FAM135B: variants seen among roughly 807,000 people sequenced by gnomAD.
The protein encoded by FAM135B is protein FAM135B.
In FAM135B, 43 loss-of-function variants were observed where a neutral mutation model predicts 127.7. That is an observed-to-expected ratio of 0.34 (90% CI 0.26 to 0.43). The LOEUF (loss-of-function observed/expected upper bound fraction) is 0.43. Ranked by LOEUF, FAM135B falls within the 20% of genes least tolerant of loss-of-function variation. The pLI is 1.00. For missense variants in FAM135B, 1,558 were observed against 1,725.6 expected, an observed-to-expected ratio of 0.90 and a Z score of 1.72; for synonymous variants, 670 against 665.1, an observed-to-expected ratio of 1.01 and a Z score of -0.11.
At chr8:138,172,868 A>T (rs1483689439) in intron 11 of FAM135B, among the ~76,000 whole-genome samples, 1 of 152,160 alleles carries the variant, frequency 6.6e-6, no homozygotes, top group Non-Finnish European at 1.5e-5. Context: ...GTCACCTCCC[A>T]TTCCCCTCCC....
intron 9 of FAM135B, among the ~76,000 whole-genome samples, chr8:138,187,829 G>T (rs1156892579): frequency 6.6e-6 from 1 of 152,208 alleles, no homozygotes; most frequent in Admixed American, 6.5e-5. Flanking sequence ...ACCAATCCAT[G>T]ATTGGAGAGT....
At chr8:138,149,995 T>C (rs971757825) in intron 13 of FAM135B, among the ~76,000 whole-genome samples, 2 of 152,198 alleles carry the variant, frequency 1.3e-5, no homozygotes, top group Non-Finnish European at 2.9e-5. Context: ...GTTAACATTC[T>C]TTATAAAACA....
At chr8:138,323,036 T>C (rs757020098) in intron 2 of FAM135B, among the ~76,000 whole-genome samples, 1 of 152,220 alleles carries the variant, frequency 6.6e-6, no homozygotes, top group Non-Finnish European at 1.5e-5. Context: ...AACCATTCTG[T>C]TGCATTTTAT....
intron 1 of FAM135B, among the ~76,000 whole-genome samples, chr8:138,375,952 C>T (rs1389761605): frequency 6.6e-6 from 1 of 152,132 alleles, no homozygotes; most frequent in African/African-American, 2.4e-5. Flanking sequence ...GTTGTCTGGG[C>T]ATCAACTGGG....
intron 2 of FAM135B, among the ~76,000 whole-genome samples, chr8:138,336,495 T>G (rs1031127597): frequency 2.0e-5 from 3 of 152,120 alleles, no homozygotes; most frequent in African/African-American, 4.8e-5. Context: ...GCAAATAAAC[T>G]AGAAAATCTA....
chr8:138,163,192 G>T (rs1293599046), intron 12 of FAM135B, among the ~76,000 whole-genome samples: 1 of 152,124 alleles, frequency 6.6e-6, no homozygotes, highest in African/African-American at 2.4e-5. Flanking sequence ...TCCCCTGGAG[G>T]AGAAATTACA....
chr8:138,437,941 T>C (rs1835546583), intron 1 of FAM135B: 1 of 152,208 alleles, frequency 6.6e-6, no homozygotes, highest in South Asian at 2.1e-4. Context: ...TGAAATTTGG[T>C]AGCATGGTTG....
intron 2 of FAM135B, among the ~76,000 whole-genome samples, chr8:138,311,767 A>G (rs76885534): frequency 0.023 from 3,440 of 152,060 alleles, 115 homozygotes; most frequent in African/African-American, 0.073. Context: ...CTGCACATAC[A>G]CTCGTAGAAT....
At position 138,243,978 on chromosome 8, in the gene FAM135B, A is replaced by G. The variant is rs1310577158; in HGVS notation, c.543-910T>C. ...TCTTGACAATAAATAGCCCCAGGTG[A>G]CATCATCTTCATCATCTTCACTATG... is the stretch of plus-strand genomic sequence containing the variant. On this transcript the variant is annotated intron_variant, in intron 6 of 19. Transcript: ENST00000395297. The surrounding 1 kb of genome is among the most constrained non-coding windows in gnomAD (Gnocchi z 7.5). Among the ~76,000 whole-genome samples, 2 of 152,196 alleles carry G rather than the reference A, an allele frequency of 1.3e-5. No individual in the cohort carries two copies. Among genetic ancestry groups the G allele is most frequent in the African/African-American group, 4.8e-5 (2 of 41,456 alleles).
chr8:138,158,469 C>A (rs1819000925), intron 12 of FAM135B, among the ~76,000 whole-genome samples: 1 of 152,198 alleles, frequency 6.6e-6, no homozygotes, highest in South Asian at 2.1e-4. Context: ...AGAGCTTCTG[C>A]ACAGCAAAAG....
chr8:138,181,221 C>G (rs1033835507), intron 9 of FAM135B, among the ~76,000 whole-genome samples: 13 of 152,008 alleles, frequency 8.6e-5, no homozygotes, highest in Non-Finnish European at 1.0e-4. Flanking sequence ...AGCCTGGAGA[C>G]AGAGTGAGAC....
intron 1 of FAM135B, among the ~76,000 whole-genome samples, chr8:138,392,266 A>G (rs1482950440): frequency 6.6e-6 from 1 of 152,150 alleles, no homozygotes; most frequent in Non-Finnish European, 1.5e-5. Context: ...CCCAACTTGC[A>G]TGTATCTCTA....
At chr8:138,196,009 C>G (rs1586743438) in intron 8 of FAM135B, among the ~76,000 whole-genome samples, 1 of 152,150 alleles carries the variant, frequency 6.6e-6, no homozygotes, top group Non-Finnish European at 1.5e-5. Flanking sequence ...TTAGTAGACA[C>G]CTCTCTACTT....
chr8:138,482,305 C>T (rs941649903), intron 1 of FAM135B, among the ~76,000 whole-genome samples: 3 of 151,762 alleles, frequency 2.0e-5, no homozygotes, highest in Non-Finnish European at 4.4e-5. Flanking sequence ...TACGTGGCCA[C>T]GAGGGCCATC....
At chr8:138,379,461 T>C (rs1294522777) in intron 1 of FAM135B, among the ~76,000 whole-genome samples, 1 of 152,162 alleles carries the variant, frequency 6.6e-6, no homozygotes, top group Admixed American at 6.5e-5. Flanking sequence ...CAATAAAACA[T>C]CTGTATGTTG....
intron 2 of FAM135B, among the ~76,000 whole-genome samples, chr8:138,324,654 C>T (rs1228106220): frequency 6.6e-6 from 1 of 152,144 alleles, no homozygotes. Context: ...CAAAACCATC[C>T]CTGTATGGTG....
chr8:138,430,013 T>C (rs931413220), intron 1 of FAM135B, among the ~76,000 whole-genome samples: 14 of 152,166 alleles, frequency 9.2e-5, no homozygotes, highest in African/African-American at 2.4e-4. Context: ...CCGAGTTTCT[T>C]TAATAGCATG....
chr8:138,342,067 C>T (rs949175652), intron 2 of FAM135B, among the ~76,000 whole-genome samples: 15 of 152,226 alleles, frequency 9.9e-5, no homozygotes, highest in Non-Finnish European at 1.9e-4. Flanking sequence ...CTAGAAACAC[C>T]TACTAGGCGT....
intron 2 of FAM135B, among the ~76,000 whole-genome samples, chr8:138,363,987 AT>A (rs1830591345): frequency 6.6e-6 from 1 of 152,150 alleles, no homozygotes; most frequent in South Asian, 2.1e-4. Flanking sequence ...TAGAGCACAC[AT>A]TTAATCACAC....
Sources: gnomAD v4.1 joint callset for allele counts (sites outside exome capture counted in the v4.1 genomes callset) on GRCh38, gnomAD v4.1.1 for gene constraint, Gnocchi (gnomAD v3.1) non-coding constraint, MANE v1.5 for transcripts, NCBI Gene and HGNC (gene_info 2026-07-23, HGNC 2026-07-21) for gene names.